Variants in CCDC13 observed in about 807,000 individuals in gnomAD.
The protein encoded by CCDC13 is coiled-coil domain containing 13, also known as coiled-coil domain-containing protein 13.
CCDC13 carries 70 observed loss-of-function variants against 87.3 expected under a neutral mutation model. That is an observed-to-expected ratio of 0.80 (90% CI 0.66 to 0.98). The LOEUF (loss-of-function observed/expected upper bound fraction) is 0.98, where lower values mean the gene tolerates loss of function less well. Among genes scored for constraint, CCDC13 ranks in the 50% least tolerant of loss-of-function variants. The pLI is 0.00. For synonymous variants in CCDC13, 317 were observed against 360.3 expected, an observed-to-expected ratio of 0.88 and a Z score of 1.36; for missense variants, 842 against 892.0, an observed-to-expected ratio of 0.94 and a Z score of 0.71.
In CCDC13 at chr3:42,732,740, T is replaced by C. The variant is rs1698873811; in HGVS notation, c.1595+147A>G. ...TCTATCATCTTGGACAGGACTTCCC[T>C]GATCCTCCCTGTCTTTATGTAACCT... On this transcript the variant is annotated intron_variant, in intron 12 of 15. Coordinates refer to ENST00000310232, the MANE Select transcript of CCDC13 (RefSeq NM_144719.4). The C allele has an allele frequency of 4.4e-6, 3 of 679,986 alleles. No homozygotes were observed. The East Asian group carries it at 8.2e-5, about 19-fold the overall frequency. 42.1% of individuals were successfully genotyped at this position (679,986 alleles called of 1,614,324 possible).
Position 42,735,895 on chromosome 3 carries a change from G to C in CCDC13, c.1183C>G (p.Gln395Glu). The C allele has an allele frequency of 6.2e-7, 1 of 1,613,936 alleles. No homozygotes were observed. Among genetic ancestry groups the C allele is most frequent in the Non-Finnish European group, 8.5e-7 (1 of 1,179,940 alleles). Residue 395 changes from glutamine to glutamate, a missense_variant, in exon 10 of 16, where the codon CAG becomes GAG. Physicochemically the swap from Gln to Glu is conservative, Grantham distance 29. Transcript: ENST00000310232. ...AGACTCAGGCTGCCTAGGATCTCCT[G>C]TAGCTGCTTCAGCTGGTCCTGGGGG... ...DALMDQLKQL[Q>E]EILGSLSLQE...
chr3:42,757,185 C>G lies in CCDC13; in HGVS notation c.251G>C (p.Arg84Pro), dbSNP rs144943082. 1 of 1,614,128 alleles carries G rather than the reference C, an allele frequency of 6.2e-7. No homozygotes were observed. Among genetic ancestry groups the G allele is most frequent in the East Asian group, 2.2e-5 (1 of 44,868 alleles). The change falls in exon 3 of 16, where the codon CGA becomes CCA. Residue 84 changes from arginine to proline, a missense_variant. Coordinates refer to ENST00000310232, the MANE Select transcript of CCDC13 (RefSeq NM_144719.4). ...GTCCACCGTTTCCCTGAGCTCATTT[C>G]GAAGGTGTTCAATCTCATCTTCAAG... ...RVLEDEIEHL[R>P]NELRETVDEN...
In CCDC13 at chr3:42,713,203, T is replaced by C; in HGVS notation, c.1832A>G (p.Lys611Arg). 1 of 1,614,182 alleles carries C rather than the reference T, an allele frequency of 6.2e-7. No individual in the cohort carries two copies. Among genetic ancestry groups the C allele is most frequent in the Non-Finnish European group, 8.5e-7 (1 of 1,180,010 alleles). The change falls in exon 14 of 16, where the codon AAG (lysine) becomes AGG (arginine). Residue 611 changes from lysine (K) to arginine (R), a missense_variant. Physicochemically the swap from Lys to Arg is conservative, Grantham distance 26 (BLOSUM62 2). Coordinates refer to ENST00000310232, the MANE Select transcript of CCDC13 (RefSeq NM_144719.4). ...AGCTGCTCTCTGGGAGGCTGATGCCTTCCCTGGCTCCAGGCGTATCTTCTC... is the reference window on the plus strand; with the variant it reads ...AGCTGCTCTCTGGGAGGCTGATGCCCTCCCTGGCTCCAGGCGTATCTTCTC... ...HLEKIRLEPG[K>R]ASASQRAAPR...
At chr3:42,732,667 C>T (rs1454082853) in intron 12 of CCDC13, 10 of 560,668 alleles carry the variant, frequency 1.8e-5, no homozygotes, top group Admixed American at 1.4e-4. Context: ...AGGTAGGAAC[C>T]CTAGCCTGGG....
intron 13 of CCDC13, among the ~76,000 whole-genome samples, chr3:42,726,885 A>C (rs1054759643): frequency 6.6e-6 from 1 of 152,184 alleles, no homozygotes; most frequent in African/African-American, 2.4e-5. Flanking sequence ...AATCTGAAGA[A>C]GCATCGGAGA....
chr3:42,770,005 TCC>T (rs2125916839), intron 1 of CCDC13, among the ~76,000 whole-genome samples: 1 of 152,302 alleles, frequency 6.6e-6, no homozygotes. Flanking sequence ...CACCCCCTGC[TCC>T]GCAGCACCTG....
chr3:42,757,024 T>C lies in CCDC13; in HGVS notation c.370+42A>G. 3.1e-6 allele frequency: 5 copies of C among 1,593,478 alleles called. No homozygotes were observed. In the East Asian group the frequency reaches 6.7e-5, roughly 21 times the overall value. On this transcript the variant is annotated intron_variant, in intron 3 of 15. Coordinates refer to ENST00000310232, the MANE Select transcript of CCDC13 (RefSeq NM_144719.4). ...TGCTGTCTGCCCTATCTGAAGTCCC[T>C]GGACTGCAGGGCAAGGACTATCACA...
intron 9 of CCDC13, among the ~76,000 whole-genome samples, chr3:42,738,503 G>A (rs890627834): frequency 6.6e-6 from 1 of 152,218 alleles, no homozygotes; most frequent in Non-Finnish European, 1.5e-5. Flanking sequence ...ACTTTGGGCA[G>A]TATGGCCATT....
intron 13 of CCDC13, among the ~76,000 whole-genome samples, chr3:42,727,098 G>A (rs1019758108): frequency 1.3e-5 from 2 of 152,162 alleles, no homozygotes; most frequent in South Asian, 4.1e-4. Context: ...CAGGCCAGGC[G>A]TGGTGGCTCA....
At chr3:42,764,005 G>C (rs1215541296) in intron 1 of CCDC13, among the ~76,000 whole-genome samples, 1 of 152,180 alleles carries the variant, frequency 6.6e-6, no homozygotes, top group Non-Finnish European at 1.5e-5. Context: ...AAGGTTGGGA[G>C]GGGGGAGCTT....
downstream of CCDC13, chr3:42,704,126 T>A (rs1196981148): frequency 6.6e-6 from 1 of 152,194 alleles, no homozygotes; most frequent in African/African-American, 2.4e-5. Flanking sequence ...TGTACATGGA[T>A]TAACTTTTTA....
intron 7 of CCDC13, 151 bp downstream of exon 7, chr3:42,745,772 G>T: frequency 1.9e-6 from 1 of 536,280 alleles, no homozygotes; most frequent in Non-Finnish European, 3.3e-6. Context: ...TGGCGAGAAG[G>T]TAAAACAACA....
rs535801685 is a variant in CCDC13 at position 42,733,570 on chromosome 3, G to A, written c.1411C>T (p.Arg471Cys). 2.9e-5 allele frequency: 47 copies of A among 1,613,182 alleles called. No individual in the cohort carries two copies. The South Asian group carries it at 3.6e-4, about 12-fold the overall frequency. ...NKGVGEGSSG[R>C]EVSPAYTQFL... ...TGGGTATAGGCAGGGCTGACCTCGC[G>A]GCCACTGGACCCCTCACCCACTCCT... Residue 471 changes from arginine to cysteine, a missense_variant, in exon 11 of 16, where the codon CGC (arginine) becomes TGC (cysteine). Transcript: ENST00000310232.
intron 1 of CCDC13, among the ~76,000 whole-genome samples, chr3:42,771,677 C>G (rs1700114097): frequency 6.6e-6 from 1 of 151,636 alleles, no homozygotes; most frequent in African/African-American, 2.4e-5. Context: ...ATTGCTTGAG[C>G]CCAGGGGTTG....
At chr3:42,749,054 C>T (rs113394974) in intron 5 of CCDC13, among the ~76,000 whole-genome samples, 9,632 of 152,194 alleles carry the variant, frequency 0.063, 526 homozygotes, top group Non-Finnish European at 0.091. Context: ...CCACCGTGCC[C>T]GGCCATCCTT....
At chr3:42,712,571 G>A (rs770503212) in intron 14 of CCDC13, among the ~76,000 whole-genome samples, 9 of 152,174 alleles carry the variant, frequency 5.9e-5, no homozygotes, top group East Asian at 1.9e-4. Context: ...ATATGCAACC[G>A]TAAAAGGTAA....
At chr3:42,757,328 G>A (rs946319289) in intron 2 of CCDC13, 114 bp from the exon 3 acceptor site, 19 of 983,482 alleles carry the variant, frequency 1.9e-5, no homozygotes, top group East Asian at 1.0e-4. Context: ...ACACACTGAC[G>A]TGAAAGAAGA....
At chr3:42,743,313 A>G (rs1699281617) in intron 7 of CCDC13, among the ~76,000 whole-genome samples, 1 of 152,094 alleles carries the variant, frequency 6.6e-6, no homozygotes, top group Non-Finnish European at 1.5e-5. Context: ...GGGCTGTTTG[A>G]GGCTGGAAAG....
In CCDC13 at chr3:42,730,522, C is replaced by T. The variant is rs761612324; in HGVS notation, c.1663G>A (p.Ala555Thr). 1 of 1,614,166 alleles carries T rather than the reference C, an allele frequency of 6.2e-7. No homozygotes were observed. Among genetic ancestry groups the T allele is most frequent in the South Asian group, 1.1e-5 (1 of 91,078 alleles). The change falls in exon 13 of 16, where the codon GCT becomes ACT. Residue 555 changes from alanine (A) to threonine (T), a missense_variant. By Grantham distance (58) the Ala-to-Thr change is moderately conservative. Coordinates refer to ENST00000310232, the MANE Select transcript of CCDC13 (RefSeq NM_144719.4). ...AGCCGGTCACGCTCCACCTCGGCAG[C>T]CTGCCAGAGGGCCTTGATCTCTGAC... The part of the protein sequence containing the change: ...QVSEIKALWQ[A>T]AEVERDRLTE...
Sources: allele counts gnomAD v4.1 joint callset (sites outside exome capture counted in the v4.1 genomes callset), GRCh38; gene constraint gnomAD v4.1.1; transcripts MANE v1.5; gene names NCBI Gene and HGNC (gene_info 2026-07-23, HGNC 2026-07-21).